GABRB3: variants seen among roughly 807,000 people sequenced by gnomAD.
The protein encoded by GABRB3 is gamma-aminobutyric acid receptor subunit beta-3.
In GABRB3, 14 loss-of-function variants were observed where a neutral mutation model predicts 52.1. The ratio of observed to expected loss-of-function variants is 0.27; its 90% confidence interval spans 0.18 to 0.42. The LOEUF (loss-of-function observed/expected upper bound fraction) is 0.42, where lower values mean the gene tolerates loss of function less well. GABRB3 is among the 10% of genes least tolerant of loss of function. GABRB3 has a pLI of 1.00. For synonymous variants in GABRB3, 260 were observed against 232.3 expected, an observed-to-expected ratio of 1.12 and a Z score of -1.08; for missense variants, 307 against 609.1, an observed-to-expected ratio of 0.50 and a Z score of 5.22.
chr15:26,676,355 G>C (rs958151370), intron 3 of GABRB3, among the ~76,000 whole-genome samples: 5 of 152,094 alleles, frequency 3.3e-5, no homozygotes, highest in Non-Finnish European at 5.9e-5. Flanking sequence ...GCTGGCTCAG[G>C]GCATTGTCCA....
At position 26,554,207 on chromosome 15, in the gene GABRB3, A is replaced by ATATATATATATATATATATTTATTTATT. The variant is rs1348288306; in HGVS notation, c.1081-6074_1081-6073insAATAAATAAATATATATATATATATATA. Among the ~76,000 whole-genome samples the ATATATATATATATATATATTTATTTATT allele has an allele frequency of 3.8e-4, 22 of 57,828 alleles. 2 individuals carry two copies. Among genetic ancestry groups the ATATATATATATATATATATTTATTTATT allele is most frequent in the Non-Finnish European group, 8.7e-4 (21 of 24,142 alleles). 37.9% of individuals were successfully genotyped at this position (57,828 alleles called of 152,430 possible). ...ATATATATACTATATATATATATATATAGTAGAAACAAGGTCTCTCTTTGT... is the reference window on the plus strand; with the variant it reads ...ATATATATACTATATATATATATATATATATATATATATATATATTTATTTATTTAGTAGAAACAAGGTCTCTCTTTGT... On this transcript the variant is annotated intron_variant, in intron 8 of 8. Coordinates refer to ENST00000311550, the MANE Select transcript of GABRB3 (RefSeq NM_000814.6).
chr15:26,574,838 A>C (rs532993841), intron 6 of GABRB3, among the ~76,000 whole-genome samples: 45 of 152,216 alleles, frequency 3.0e-4, no homozygotes, highest in Non-Finnish European at 5.1e-4. Flanking sequence ...CTGCAAATAT[A>C]CTAAACACCA....
intron 7 of GABRB3, among the ~76,000 whole-genome samples, chr15:26,564,775 G>A (rs1052767421): frequency 6.6e-6 from 1 of 152,134 alleles, no homozygotes; most frequent in Admixed American, 6.5e-5. Flanking sequence ...AGTTATGAGG[G>A]ATTCCTCAAT....
intron 3 of GABRB3, among the ~76,000 whole-genome samples, chr15:26,766,928 G>A (rs999029931): frequency 1.3e-5 from 2 of 151,964 alleles, no homozygotes; most frequent in Non-Finnish European, 2.9e-5. Flanking sequence ...CCTTCCTGAG[G>A]GGAAAGGCAA....
chr15:26,571,136 A>G (rs1595448724), intron 6 of GABRB3, among the ~76,000 whole-genome samples: 1 of 152,262 alleles, frequency 6.6e-6, no homozygotes, highest in South Asian at 2.1e-4. Flanking sequence ...CTTAATCTGC[A>G]ATTTCATGGC....
chr15:26,612,728 A>C (rs1289774311), intron 4 of GABRB3: 1 of 152,240 alleles, frequency 6.6e-6, no homozygotes, highest in Admixed American at 6.5e-5. Context: ...AACACAAGCT[A>C]TACTTTTAGG....
chr15:26,698,285 G>A (rs939257998), intron 3 of GABRB3, among the ~76,000 whole-genome samples: 9 of 152,188 alleles, frequency 5.9e-5, no homozygotes, highest in African/African-American at 9.7e-5. Context: ...ACTCCACAAC[G>A]TTAGGGTCGG....
At chr15:26,554,045 T>A (rs10444895) in intron 8 of GABRB3, among the ~76,000 whole-genome samples, 703 of 36,310 alleles carry the variant, frequency 0.019, 51 homozygotes, top group African/African-American at 0.05. Flanking sequence ...ATTTATTTAT[T>A]TATATTTATT....
chr15:26,671,037 C>T (rs552646310), intron 3 of GABRB3, among the ~76,000 whole-genome samples: 3 of 152,260 alleles, frequency 2.0e-5, no homozygotes, highest in African/African-American at 4.8e-5. Flanking sequence ...CACCACCATG[C>T]CTGGCTAATC....
At chr15:26,766,313 A>C (rs1207540504) in intron 3 of GABRB3, among the ~76,000 whole-genome samples, 1 of 152,226 alleles carries the variant, frequency 6.6e-6, no homozygotes, top group Non-Finnish European at 1.5e-5. Context: ...CACCCATATT[A>C]GATTCTGAAA....
intron 3 of GABRB3, among the ~76,000 whole-genome samples, chr15:26,753,911 G>C (rs549252637): frequency 6.6e-6 from 1 of 152,200 alleles, no homozygotes; most frequent in Non-Finnish European, 1.5e-5. Flanking sequence ...ATAACTATCA[G>C]CAAAGATGGG....
At chr15:26,743,747 C>T (rs1454868703) in intron 3 of GABRB3, among the ~76,000 whole-genome samples, 1 of 152,148 alleles carries the variant, frequency 6.6e-6, no homozygotes, top group African/African-American at 2.4e-5. Flanking sequence ...TGCTGATCAC[C>T]TCTCTTTATG....
intron 3 of GABRB3, among the ~76,000 whole-genome samples, chr15:26,673,868 C>G (rs1448136559): frequency 6.6e-6 from 1 of 152,202 alleles, no homozygotes; most frequent in East Asian, 1.9e-4. Context: ...GGGGAAAACT[C>G]CACATTAAAG....
chr15:26,632,750 A>C (rs934174066), intron 3 of GABRB3, among the ~76,000 whole-genome samples: 1 of 152,190 alleles, frequency 6.6e-6, no homozygotes, highest in Non-Finnish European at 1.5e-5. Context: ...TACTTGGGAA[A>C]GTTATCTAAT....
chr15:26,731,768 T>A (rs1889920891), intron 3 of GABRB3, among the ~76,000 whole-genome samples: 1 of 152,210 alleles, frequency 6.6e-6, no homozygotes, highest in Non-Finnish European at 1.5e-5. Context: ...AGCAGAGTTG[T>A]GAACACGAAA....
chr15:26,736,737 C>T (rs961669003), intron 3 of GABRB3, among the ~76,000 whole-genome samples: 3 of 152,234 alleles, frequency 2.0e-5, no homozygotes, highest in African/African-American at 7.2e-5. Context: ...TCCATTTGCA[C>T]ATCACACAAT....
At chr15:26,688,293 TG>T (rs1888470679) in intron 3 of GABRB3, among the ~76,000 whole-genome samples, 2 of 152,168 alleles carry the variant, frequency 1.3e-5, no homozygotes, top group South Asian at 4.1e-4. Flanking sequence ...ATGCCAGCCG[TG>T]TGCCCTGGAA....
intron 3 of GABRB3, among the ~76,000 whole-genome samples, chr15:26,722,083 T>C (rs1889656203): frequency 6.6e-6 from 1 of 152,164 alleles, no homozygotes. Flanking sequence ...GCAGGTTCCA[T>C]GCAATAAATC....
Position 26,621,873 on chromosome 15 carries a change from G to A in GABRB3, c.241-339C>T, listed in dbSNP as rs2140538107. On this transcript the variant is annotated intron_variant, in intron 3 of 8. Coordinates refer to ENST00000311550, the MANE Select transcript of GABRB3 (RefSeq NM_000814.6). This position sits in a 1 kb window ranked among gnomAD's most constrained non-coding sequence, Gnocchi z 4.1. ...CAGGTTGCTGGCGGGGAACTAGATT[G>A]TTCCCATGGATGTTCTCTTTCCCAC... is the stretch of plus-strand genomic sequence containing the variant. Among the ~76,000 whole-genome samples the A allele has an allele frequency of 7.4e-6, 1 of 135,860 alleles. No homozygotes were observed. The highest frequency in any genetic ancestry group is 2.6e-5 in the African/African-American group (1 of 39,040). The allele number at this position is 135,860 out of a possible 152,430, so 89.1% of individuals were successfully genotyped here.
Sources: allele counts gnomAD v4.1 joint callset (sites outside exome capture counted in the v4.1 genomes callset), GRCh38; gene constraint gnomAD v4.1.1; non-coding constraint Gnocchi (gnomAD v3.1); transcripts MANE v1.5; gene names NCBI Gene and HGNC (gene_info 2026-07-23, HGNC 2026-07-21).